Variants in MED27 observed in about 807,000 individuals in gnomAD.
MED27 encodes the protein mediator complex subunit 27.
A neutral mutation model predicts 38.2 loss-of-function variants in MED27; 30 were observed. That is an observed-to-expected ratio of 0.79 (90% CI 0.59 to 1.07). The LOEUF is 1.07. Among genes scored for constraint, MED27 ranks in the 50% least tolerant of loss-of-function variants. The pLI is 0.00. For missense variants in MED27, 289 were observed against 397.5 expected (o/e 0.73, Z 2.32); for synonymous variants, 122 against 153.5 (o/e 0.79, Z 1.52).
chr9:131,982,203 C>T lies in MED27; in HGVS notation c.479+32134G>A, dbSNP rs1299049205. Among the ~76,000 whole-genome samples, 1 of 152,200 alleles carries T rather than the reference C, an allele frequency of 6.6e-6. No homozygotes were observed. Among genetic ancestry groups the T allele is most frequent in the Non-Finnish European group, 1.5e-5 (1 of 68,024 alleles). ...TGGCAGAATTGACATGGTGTCAGTT[C>T]CAGGCCTAAGCCCCAAGAATGCTTG... is the stretch of plus-strand genomic sequence containing the variant. On this transcript the variant is annotated intron_variant, in intron 3 of 7. Coordinates refer to ENST00000292035, the MANE Select transcript of MED27 (RefSeq NM_004269.4). This position sits in a 1 kb window ranked among gnomAD's most constrained non-coding sequence, Gnocchi z 4.3.
chr9:132,004,982 G>C (rs888337324), intron 3 of MED27, among the ~76,000 whole-genome samples: 2 of 152,200 alleles, frequency 1.3e-5, no homozygotes, highest in Non-Finnish European at 2.9e-5. Flanking sequence ...TGCCCTGGAA[G>C]AGACAAAACT....
chr9:132,055,417 C>T (rs1026207763), intron 2 of MED27, among the ~76,000 whole-genome samples: 3 of 152,122 alleles, frequency 2.0e-5, no homozygotes, highest in Non-Finnish European at 4.4e-5. Context: ...CACAATGGAC[C>T]TAGTCATCTA....
chr9:131,919,620 A>C (rs1189411396), intron 4 of MED27, among the ~76,000 whole-genome samples: 1 of 152,070 alleles, frequency 6.6e-6, no homozygotes, highest in Non-Finnish European at 1.5e-5. Context: ...TGGGGTCCCA[A>C]GTAGGGGTGA....
At chr9:131,938,602 T>C (rs1309604637) in intron 4 of MED27, among the ~76,000 whole-genome samples, 2 of 152,280 alleles carry the variant, frequency 1.3e-5, no homozygotes, top group Non-Finnish European at 2.9e-5. Flanking sequence ...TGAGGCGATG[T>C]GTTCAGAGCA....
chr9:131,951,206 A>G lies in MED27; in HGVS notation c.480-11732T>C, dbSNP rs570248918. Reference sequence around the variant, plus strand: ...GTCTACTGAACAGAACCTTCAGTAGAGAAGCCTTCTCCAAGGCCCTCAAAT... The same window carrying G: ...GTCTACTGAACAGAACCTTCAGTAGGGAAGCCTTCTCCAAGGCCCTCAAAT... On this transcript the variant is annotated intron_variant, in intron 3 of 7. Transcript: ENST00000292035. 2.0e-5 allele frequency among the ~76,000 whole-genome samples: 3 copies of G among 152,366 alleles called. No individual in the cohort carries two copies. In the South Asian group the frequency reaches 6.2e-4, roughly 32 times the overall value.
chr9:131,997,658 C>T lies in MED27; in HGVS notation c.479+16679G>A, dbSNP rs76811141. Among the ~76,000 whole-genome samples the T allele has an allele frequency of 0.035, 5,396 of 152,254 alleles. 320 individuals carry two copies. Among genetic ancestry groups the T allele is most frequent in the African/African-American group, 0.12 (4,880 of 41,518 alleles). ...AACCTCTGCTTCCTGAGAACCTAATCCTCTGCCTTGTACTACAGCTGAGAC... is the reference window on the plus strand; with the variant it reads ...AACCTCTGCTTCCTGAGAACCTAATTCTCTGCCTTGTACTACAGCTGAGAC... On this transcript the variant is annotated intron_variant, in intron 3 of 7. Coordinates refer to ENST00000292035, the MANE Select transcript of MED27 (RefSeq NM_004269.4). The surrounding 1 kb of genome is among the most constrained non-coding windows in gnomAD (Gnocchi z 4.0).
At chr9:132,041,309 C>T (rs371154241) in intron 2 of MED27, among the ~76,000 whole-genome samples, 1 of 152,124 alleles carries the variant, frequency 6.6e-6, no homozygotes, top group Non-Finnish European at 1.5e-5. Context: ...GAACTGAGCA[C>T]GCACACACGA....
At chr9:131,963,843 A>T (rs545852678) in intron 3 of MED27, among the ~76,000 whole-genome samples, 4 of 152,320 alleles carry the variant, frequency 2.6e-5, no homozygotes, top group African/African-American at 9.6e-5. Flanking sequence ...TTACCCTGAC[A>T]ACCCGGAGAA....
intron 2 of MED27, among the ~76,000 whole-genome samples, chr9:132,019,577 A>C (rs1211469754): frequency 6.6e-6 from 1 of 152,164 alleles, no homozygotes; most frequent in Non-Finnish European, 1.5e-5. Flanking sequence ...AGAATTTAAC[A>C]ATAGAGAAAG....
At chr9:132,069,228 G>A (rs925396494) in intron 2 of MED27, among the ~76,000 whole-genome samples, 21 of 152,260 alleles carry the variant, frequency 1.4e-4, no homozygotes, top group Middle Eastern at 3.4e-3. Context: ...GCTCCCAGAC[G>A]GCAAGTTGAC....
intron 3 of MED27, among the ~76,000 whole-genome samples, chr9:131,993,243 T>A (rs11243590): frequency 0.63 from 95,027 of 151,148 alleles, 30,191 homozygotes; most frequent in Non-Finnish European, 0.67. Context: ...TTTTTTTTTT[T>A]AAAAAATTCA....
intron 2 of MED27, among the ~76,000 whole-genome samples, chr9:132,053,789 C>G (rs1833515633): frequency 6.6e-6 from 1 of 152,096 alleles, no homozygotes; most frequent in African/African-American, 2.4e-5. Context: ...ACAGAGTTCC[C>G]CAAAGCGTGG....
At chr9:131,870,307 G>A (rs1225265978) in intron 6 of MED27, among the ~76,000 whole-genome samples, 1 of 152,180 alleles carries the variant, frequency 6.6e-6, no homozygotes, top group African/African-American at 2.4e-5. Context: ...TGTCCCTTGT[G>A]AGCTGTGTGA....
intron 4 of MED27, among the ~76,000 whole-genome samples, chr9:131,933,554 G>A (rs545906738): frequency 6.6e-6 from 1 of 152,030 alleles, no homozygotes; most frequent in South Asian, 2.1e-4. Context: ...ACAGAATTGA[G>A]AAATAATGAA....
At chr9:131,901,157 C>A (rs1236187941) in intron 4 of MED27, among the ~76,000 whole-genome samples, 1 of 152,020 alleles carries the variant, frequency 6.6e-6, no homozygotes. Context: ...CTGGCGGGCA[C>A]ACCCAAAGGA....
intron 6 of MED27, among the ~76,000 whole-genome samples, chr9:131,876,869 T>TC (rs972634747): frequency 1.2e-4 from 18 of 152,168 alleles, no homozygotes; most frequent in African/African-American, 4.1e-4. Flanking sequence ...ATGAAAGCTG[T>TC]CCCCTCAGTT....
In MED27 at chr9:131,988,639, CT is replaced by C. The variant is rs998472423; in HGVS notation, c.479+25697del. Among the ~76,000 whole-genome samples the C allele has an allele frequency of 2.0e-5, 3 of 151,762 alleles. No individual in the cohort carries two copies. In the South Asian group the frequency reaches 6.3e-4, roughly 32 times the overall value. On this transcript the variant is annotated intron_variant, in intron 3 of 7. Transcript: ENST00000292035. ...AAATATGTGTTAATCAACTACTTTG[CT>C]TTTTTTTGCGGGGGGATTGGGGGAG...
intron 2 of MED27, among the ~76,000 whole-genome samples, chr9:132,037,816 A>G (rs1833114453): frequency 6.6e-6 from 1 of 152,194 alleles, no homozygotes. Flanking sequence ...TTTCTGACAC[A>G]TGAGCTTTGG....
intron 3 of MED27, among the ~76,000 whole-genome samples, chr9:131,984,237 C>G (rs556969721): frequency 6.6e-6 from 1 of 152,284 alleles, no homozygotes; most frequent in South Asian, 2.1e-4. Context: ...CCCCACTTTC[C>G]CCGATAGCAC....
Sources: allele counts gnomAD v4.1 joint callset (sites outside exome capture counted in the v4.1 genomes callset), GRCh38; gene constraint gnomAD v4.1.1; non-coding constraint Gnocchi (gnomAD v3.1); transcripts MANE v1.5; gene names NCBI Gene and HGNC (gene_info 2026-07-23, HGNC 2026-07-21).